SUSD4: variants seen among roughly 807,000 people sequenced by gnomAD.
The protein encoded by SUSD4 is sushi domain-containing protein 4.
A neutral mutation model predicts 50.5 loss-of-function variants in SUSD4; 41 were observed. The ratio of observed to expected loss-of-function variants is 0.81; its 90% CI spans 0.63 to 1.05. The LOEUF (loss-of-function observed/expected upper bound fraction) is 1.05, where lower values mean the gene tolerates loss of function less well. Ranked by LOEUF, SUSD4 falls within the 50% of genes least tolerant of loss-of-function variation. The probability of loss-of-function intolerance (pLI) is 0.00; values close to 1 mark genes in which losing one functional copy is unlikely to be tolerated. For missense variants in SUSD4, 580 were observed against 634.7 expected (o/e 0.91, Z 0.93); for synonymous variants, 257 against 257.3 (o/e 1.00, Z 0.01).
chr1:223,292,376 C>T, intron 3 of SUSD4, 63 bp downstream of exon 3: 1 of 1,570,014 alleles, frequency 6.4e-7, no homozygotes, highest in Non-Finnish European at 8.8e-7. Flanking sequence ...CACAGCCCTG[C>T]ACCCCTGTGG....
intron 2 of SUSD4, among the ~76,000 whole-genome samples, chr1:223,318,103 C>T (rs1228980466): frequency 1.2e-4 from 6 of 51,356 alleles, no homozygotes; most frequent in East Asian, 4.8e-4. Context: ...TGAGAATATG[C>T]GGTGTTTGGT....
intron 5 of SUSD4, among the ~76,000 whole-genome samples, chr1:223,237,497 TC>T (rs1420334006): frequency 2.0e-5 from 3 of 152,032 alleles, no homozygotes; most frequent in Non-Finnish European, 1.5e-5. Flanking sequence ...TTGTAGATAT[TC>T]TTTATACGGT....
At chr1:223,250,436 T>A (rs1421547300) in intron 5 of SUSD4, among the ~76,000 whole-genome samples, 1 of 152,244 alleles carries the variant, frequency 6.6e-6, no homozygotes, top group Admixed American at 6.5e-5. Context: ...GGTGTTGCTA[T>A]TGCCTCATTT....
intron 5 of SUSD4, among the ~76,000 whole-genome samples, chr1:223,237,381 T>C (rs1375669073): frequency 1.3e-5 from 2 of 152,052 alleles, no homozygotes; most frequent in African/African-American, 4.8e-5. Context: ...ACTTCCAGTA[T>C]GATGCTGAAA....
chr1:223,287,333 TGTCA>T (rs1054137606), intron 3 of SUSD4, among the ~76,000 whole-genome samples: 1 of 152,186 alleles, frequency 6.6e-6, no homozygotes, highest in African/African-American at 2.4e-5. Context: ...CACCTCAGCC[TGTCA>T]AAGAACTGGG....
upstream of SUSD4, among the ~76,000 whole-genome samples, chr1:223,364,724 G>A (rs560411225): frequency 1.6e-4 from 25 of 151,904 alleles, no homozygotes; most frequent in Admixed American, 1.4e-3. The surrounding 1 kb of genome is among the most constrained non-coding windows in gnomAD (Gnocchi z 4.5). Flanking sequence ...CCGCGGCGGT[G>A]GCTGCAGACC....
chr1:223,333,703 G>C (rs112538472), intron 2 of SUSD4, among the ~76,000 whole-genome samples: 1 of 152,150 alleles, frequency 6.6e-6, no homozygotes, highest in African/African-American at 2.4e-5. Flanking sequence ...GGAAGCACCA[G>C]GTTCTGCAGA....
chr1:223,256,354 G>A (rs1303916243), intron 5 of SUSD4, among the ~76,000 whole-genome samples: 1 of 152,158 alleles, frequency 6.6e-6, no homozygotes, highest in East Asian at 1.9e-4. Context: ...ACTCCCTAAG[G>A]CCAAGGGGTG....
chr1:223,243,364 C>G (rs920384398), intron 5 of SUSD4, among the ~76,000 whole-genome samples: 3 of 152,224 alleles, frequency 2.0e-5, no homozygotes, highest in African/African-American at 7.2e-5. Context: ...TTCCTGGGGA[C>G]ACAGTCACCC....
intron 2 of SUSD4, among the ~76,000 whole-genome samples, chr1:223,296,205 A>G (rs1225344589): frequency 6.6e-6 from 1 of 152,130 alleles, no homozygotes; most frequent in Non-Finnish European, 1.5e-5. Context: ...AGAGGGCTAC[A>G]CAGACATTAA....
intron 3 of SUSD4, among the ~76,000 whole-genome samples, chr1:223,270,614 G>C (rs751990682): frequency 6.6e-6 from 1 of 152,094 alleles, no homozygotes; most frequent in Non-Finnish European, 1.5e-5. Context: ...CTGTCACCCA[G>C]GCTGGAGTGC....
At chr1:223,281,914 G>T (rs977258932) in intron 3 of SUSD4, among the ~76,000 whole-genome samples, 1 of 152,176 alleles carries the variant, frequency 6.6e-6, no homozygotes, top group Non-Finnish European at 1.5e-5. Flanking sequence ...TTCATCCCTA[G>T]GATGCAAGGC....
intron 3 of SUSD4, among the ~76,000 whole-genome samples, chr1:223,272,056 G>A (rs983059659): frequency 4.6e-5 from 7 of 152,208 alleles, no homozygotes; most frequent in Admixed American, 3.9e-4. Context: ...GTGAAACCCC[G>A]TCTCTACTAA....
chr1:223,289,931 C>T (rs777442961), intron 3 of SUSD4, among the ~76,000 whole-genome samples: 1 of 152,196 alleles, frequency 6.6e-6, no homozygotes, highest in Non-Finnish European at 1.5e-5. Context: ...AGGCTGCTTA[C>T]TCATCAACTG....
chr1:223,295,959 G>A (rs1209769714), intron 2 of SUSD4, among the ~76,000 whole-genome samples: 1 of 152,124 alleles, frequency 6.6e-6, no homozygotes, highest in African/African-American at 2.4e-5. Flanking sequence ...CAGGAAAAGG[G>A]TGGGAAGATC....
rs189640114 is a variant in SUSD4 at position 223,322,487 on chromosome 1, C to T, written c.149-29836G>A. 3.4e-3 allele frequency among the ~76,000 whole-genome samples: 515 copies of T among 152,272 alleles called. 2 individuals carry two copies. Among genetic ancestry groups the T allele is most frequent in the Non-Finnish European group, 4.2e-3 (289 of 68,030 alleles). ...CAATTAATGAATTTAGGACATTGTG[C>T]CAGGTGCTACAAAACAGACAAGGCT... On this transcript the variant is annotated intron_variant, in intron 2 of 8. Transcript: ENST00000366878.
At chr1:223,335,990 G>A (rs1667433675) in intron 2 of SUSD4, among the ~76,000 whole-genome samples, 2 of 151,622 alleles carry the variant, frequency 1.3e-5, no homozygotes, top group Admixed American at 1.3e-4. Flanking sequence ...GTTGACTCCT[G>A]ACAGAACAAA....
chr1:223,321,519 T>C (rs1431723969), intron 2 of SUSD4, among the ~76,000 whole-genome samples: 3 of 152,236 alleles, frequency 2.0e-5, no homozygotes, highest in Non-Finnish European at 4.4e-5. Context: ...GTGCCCTTCA[T>C]CTCTTCTGGG....
intron 2 of SUSD4, among the ~76,000 whole-genome samples, chr1:223,337,410 AC>A (rs1667519369): frequency 6.6e-6 from 1 of 152,200 alleles, no homozygotes; most frequent in Non-Finnish European, 1.5e-5. Context: ...CTACCCACAG[AC>A]TGTGTTGAGT....
Sources: gnomAD v4.1 joint callset for allele counts (sites outside exome capture counted in the v4.1 genomes callset) on GRCh38, gnomAD v4.1.1 for gene constraint, Gnocchi (gnomAD v3.1) non-coding constraint, MANE v1.5 for transcripts, NCBI Gene and HGNC (gene_info 2026-07-23, HGNC 2026-07-21) for gene names.